ARHGAP6: variants seen among roughly 807,000 people sequenced by gnomAD.
ARHGAP6 encodes Rho GTPase activating protein 6.
ARHGAP6 carries 16 observed loss-of-function variants against 55.7 expected under a neutral mutation model. The observed-to-expected ratio is 0.29, with a 90% confidence interval of 0.19 to 0.44. The LOEUF (loss-of-function observed/expected upper bound fraction) is 0.44. ARHGAP6 is among the 20% of genes least tolerant of loss of function. The pLI, the probability that ARHGAP6 is intolerant of heterozygous loss-of-function variation, is 1.00. For synonymous variants in ARHGAP6, 382 were observed against 360.9 expected (o/e 1.06, Z -0.66); for missense variants, 698 against 808.9 (o/e 0.86, Z 1.66).
chrX:11,571,624 C>T (rs1051808343), intron 1 of ARHGAP6, among the ~76,000 whole-genome samples: 3 of 108,209 alleles, frequency 2.8e-5, no homozygotes, highest in African/African-American at 6.7e-5. Context: ...AACTTGTAAC[C>T]TCAGCATTTT....
chrX:11,311,670 GAGA>G (rs1371016834), intron 1 of ARHGAP6, among the ~76,000 whole-genome samples: 1 of 111,307 alleles, frequency 9.0e-6, no homozygotes, highest in Non-Finnish European at 1.9e-5. Flanking sequence ...AAGTGTGGAG[GAGA>G]AGGCTTCCTG....
intron 1 of ARHGAP6, among the ~76,000 whole-genome samples, chrX:11,346,696 G>A (rs1487841912): frequency 5.4e-5 from 4 of 74,542 alleles, no homozygotes; most frequent in Admixed American, 1.4e-4. Context: ...GTGACACAGT[G>A]AGACCCTGTC....
rs1422256917 is a variant in ARHGAP6, at chrX:11,138,361, G to A, written c.*502C>T. 8.8e-6 allele frequency: 1 copy of A among 113,138 alleles called. No individual in the cohort carries two copies. The highest frequency in any genetic ancestry group is 1.9e-5 in the Non-Finnish European group (1 of 53,865). The allele number at this position is 113,138 out of a possible 1,213,427, so 9.3% of individuals were successfully genotyped here. On this transcript the variant is annotated 3_prime_UTR_variant, in exon 13 of 13. Transcript: ENST00000337414. ...CCCCAGTTATAAAGCTATGGCAAAA[G>A]CACAGAAACCCGCTTGTGCACATTC... is the stretch of plus-strand genomic sequence containing the variant.
intron 6 of ARHGAP6, among the ~76,000 whole-genome samples, chrX:11,180,589 G>A (rs1161169715): frequency 9.0e-6 from 1 of 111,202 alleles, no homozygotes; most frequent in Non-Finnish European, 1.9e-5. Flanking sequence ...AGTGAGTTAG[G>A]GCATATTTCA....
intron 1 of ARHGAP6, among the ~76,000 whole-genome samples, chrX:11,432,458 C>T (rs1419745396): frequency 2.7e-5 from 3 of 112,041 alleles, no homozygotes; most frequent in Non-Finnish European, 5.6e-5. Context: ...TTTATAGGGT[C>T]CAAACCCAGG....
At chrX:11,475,828 T>C (rs2050398488) in intron 1 of ARHGAP6, among the ~76,000 whole-genome samples, 1 of 109,120 alleles carries the variant, frequency 9.2e-6, no homozygotes, top group African/African-American at 3.3e-5. Flanking sequence ...GAGAAATTTT[T>C]AAAAACACAT....
chrX:11,162,115 G>A (rs1197525879), intron 9 of ARHGAP6, among the ~76,000 whole-genome samples: 3 of 111,520 alleles, frequency 2.7e-5, no homozygotes, highest in African/African-American at 9.8e-5. Flanking sequence ...GCAAGATCAC[G>A]TATGCACATG....
intron 1 of ARHGAP6, among the ~76,000 whole-genome samples, chrX:11,365,348 G>A (rs1160753578): frequency 8.9e-6 from 1 of 111,995 alleles, no homozygotes; most frequent in Admixed American, 9.4e-5. Context: ...AATGGAGGGG[G>A]AGTCTTCTGT....
chrX:11,156,661 C>G (rs2045867932), intron 9 of ARHGAP6, 35 bp from the exon 10 acceptor site: 3 of 1,094,605 alleles, frequency 2.7e-6, no homozygotes, highest in Non-Finnish European at 2.5e-6. Flanking sequence ...TAAATAAAAC[C>G]ATTCCAGAAA....
intron 1 of ARHGAP6, among the ~76,000 whole-genome samples, chrX:11,609,854 TACTAAATGGAAGA>T (rs1459073358): frequency 9.8e-5 from 11 of 111,894 alleles, no homozygotes; most frequent in Non-Finnish European, 1.9e-4. Context: ...GGCTGGGCAC[TACTAAATGGAAGA>T]ACCTGCCAGT....
intron 1 of ARHGAP6, among the ~76,000 whole-genome samples, chrX:11,320,856 A>G (rs1216470278): frequency 1.8e-5 from 2 of 109,968 alleles, no homozygotes; most frequent in Admixed American, 2.0e-4. Flanking sequence ...GCAAACACAT[A>G]TATGTGTATA....
chrX:11,412,672 G>T (rs1479446332), intron 1 of ARHGAP6, among the ~76,000 whole-genome samples: 1 of 112,047 alleles, frequency 8.9e-6, no homozygotes, highest in African/African-American at 3.2e-5. Flanking sequence ...ATATTGTACA[G>T]CTGCAACAAA....
intron 2 of ARHGAP6, among the ~76,000 whole-genome samples, chrX:11,242,102 G>C (rs1271653597): frequency 8.9e-6 from 1 of 111,858 alleles, no homozygotes; most frequent in Non-Finnish European, 1.9e-5. Context: ...AATTATTCTG[G>C]CAGGGTGATT....
chrX:11,171,486 A>G (rs755744311), intron 8 of ARHGAP6, among the ~76,000 whole-genome samples: 1 of 110,758 alleles, frequency 9.0e-6, no homozygotes, highest in Non-Finnish European at 1.9e-5. Flanking sequence ...ACCACAGTCA[A>G]CTAATAGGCA....
intron 1 of ARHGAP6, among the ~76,000 whole-genome samples, chrX:11,345,486 T>C (rs1410844814): frequency 2.7e-5 from 3 of 112,809 alleles, no homozygotes; most frequent in Non-Finnish European, 5.6e-5. Flanking sequence ...CGTTTTTCTA[T>C]ATTTTTCTTT....
chrX:11,487,105 T>C (rs191941972), intron 1 of ARHGAP6, among the ~76,000 whole-genome samples: 7 of 112,023 alleles, frequency 6.2e-5, no homozygotes, highest in Admixed American at 2.8e-4. Flanking sequence ...ATTAGAAGCA[T>C]TGGTGTGAAG....
intron 1 of ARHGAP6, among the ~76,000 whole-genome samples, chrX:11,661,816 G>A (rs1396564638): frequency 2.7e-5 from 3 of 111,905 alleles, no homozygotes; most frequent in African/African-American, 9.8e-5. Flanking sequence ...CCTCACTAAC[G>A]CAGCAGTTCT....
At chrX:11,252,678 G>A (rs1014670891) in intron 2 of ARHGAP6, among the ~76,000 whole-genome samples, 7 of 112,553 alleles carry the variant, frequency 6.2e-5, no homozygotes, top group East Asian at 2.8e-4. Context: ...TGAACAAACC[G>A]TGACAAGAAA....
intron 1 of ARHGAP6, among the ~76,000 whole-genome samples, chrX:11,284,433 T>C (rs988936298): frequency 8.9e-5 from 10 of 111,989 alleles, no homozygotes; most frequent in African/African-American, 3.2e-4. Flanking sequence ...GACCTCATTA[T>C]TAACTGACAT....
Sources: gnomAD v4.1 joint callset for allele counts (sites outside exome capture counted in the v4.1 genomes callset) on GRCh38, gnomAD v4.1.1 for gene constraint, MANE v1.5 for transcripts, NCBI Gene and HGNC (gene_info 2026-07-23, HGNC 2026-07-21) for gene names.